HOOK3: variants seen among roughly 807,000 people sequenced by gnomAD.
HOOK3 encodes the protein protein Hook homolog 3.
A neutral mutation model predicts 116.3 loss-of-function variants in HOOK3; 24 were observed. That is an observed-to-expected ratio of 0.21 (90% CI 0.15 to 0.29). The LOEUF (loss-of-function observed/expected upper bound fraction) is 0.29, where lower values mean the gene tolerates loss of function less well. Among genes scored for constraint, HOOK3 ranks in the 10% least tolerant of loss-of-function variants. The probability of loss-of-function intolerance (pLI) is 1.00; values close to 1 mark genes in which losing one functional copy is unlikely to be tolerated. For synonymous variants in HOOK3, 275 were observed against 283.0 expected, an observed-to-expected ratio of 0.97 and a Z score of 0.28; for missense variants, 632 against 830.2, an observed-to-expected ratio of 0.76 and a Z score of 2.93.
chr8:42,997,891 T>C (rs1809309805), intron 16 of HOOK3: 6 of 374,302 alleles, frequency 1.6e-5, no homozygotes, highest in African/African-American at 2.1e-5. Flanking sequence ...TGAGGCTTTA[T>C]GTTTTAAATG....
intron 15 of HOOK3, among the ~76,000 whole-genome samples, chr8:42,995,176 C>T (rs1260392390): frequency 6.6e-6 from 1 of 152,064 alleles, no homozygotes; most frequent in Non-Finnish European, 1.5e-5. Context: ...AATTATAAAC[C>T]TATAATTTCT....
chr8:42,910,162 A>G (rs976575944), intron 2 of HOOK3, among the ~76,000 whole-genome samples: 1 of 152,244 alleles, frequency 6.6e-6, no homozygotes, highest in Non-Finnish European at 1.5e-5. Flanking sequence ...ATACGATATC[A>G]TAACATCAGT....
chr8:42,991,581 T>C (rs2130459173), intron 15 of HOOK3, among the ~76,000 whole-genome samples: 1 of 152,136 alleles, frequency 6.6e-6, no homozygotes, highest in East Asian at 1.9e-4. Context: ...TTTTGTATTT[T>C]AGTAGAGACA....
intron 2 of HOOK3, among the ~76,000 whole-genome samples, chr8:42,907,620 T>C (rs1202102363): frequency 6.6e-6 from 1 of 152,160 alleles, no homozygotes; most frequent in East Asian, 1.9e-4. Flanking sequence ...TGGGCCTAGC[T>C]AAGTGAACTT....
In HOOK3 at chr8:42,953,103, G is replaced by T. The variant is rs115735316; in HGVS notation, c.468+2648G>T. Among the ~76,000 whole-genome samples, 873 of 152,122 alleles carry T rather than the reference G, an allele frequency of 5.7e-3. 7 individuals are homozygous for T. Among genetic ancestry groups the T allele is most frequent in the African/African-American group, 0.02 (832 of 41,494 alleles). On this transcript the variant is annotated intron_variant, in intron 6 of 21. Transcript: ENST00000307602. Reference sequence around the variant, plus strand: ...CCCACCTAGCCACATGGGGGAGTCTGGGAAATGGGGTCCTTATTCTAGATA... The same window carrying T: ...CCCACCTAGCCACATGGGGGAGTCTTGGAAATGGGGTCCTTATTCTAGATA...
At chr8:42,979,460 A>G (rs1299578976) in intron 13 of HOOK3, among the ~76,000 whole-genome samples, 1 of 152,182 alleles carries the variant, frequency 6.6e-6, no homozygotes, top group East Asian at 1.9e-4. Flanking sequence ...CTTTGTTATC[A>G]GCTGGGGATG....
rs764965780 is a variant in HOOK3, at chr8:42,931,425, CTTTTTTTTT to C, written c.267+1269_267+1277del. Among the ~76,000 whole-genome samples, 6 of 100,612 alleles carry C rather than the reference CTTTTTTTTT, an allele frequency of 6.0e-5. No individual in the cohort carries two copies. The South Asian group carries it at 1.9e-3, about 32-fold the overall frequency. The allele number at this position is 100,612 out of a possible 152,430, so 66.0% of individuals were successfully genotyped here. A position where few individuals can be genotyped will look rare whatever the true frequency, so the allele number is the denominator to read the frequency against. ...TCACCCCATTATATTCTTCTCTTCT[CTTTTTTTTT>C]TTTTTTTTTTTTTTTGAGACGGAGT... On this transcript the variant is annotated intron_variant, in intron 4 of 21. Transcript: ENST00000307602.
chr8:42,986,578 G>T, intron 14 of HOOK3, 77 bp from the exon 15 acceptor site: 1 of 1,108,406 alleles, frequency 9.0e-7, no homozygotes, highest in Non-Finnish European at 1.3e-6. Context: ...TGCTTAGCTG[G>T]ATTTGATACC....
intron 2 of HOOK3, among the ~76,000 whole-genome samples, chr8:42,908,363 A>G (rs1240728290): frequency 6.6e-6 from 1 of 151,260 alleles, no homozygotes; most frequent in African/African-American, 2.5e-5. Flanking sequence ...CAAAGCAATC[A>G]TGAGAAAAAG....
intron 17 of HOOK3, among the ~76,000 whole-genome samples, chr8:43,005,774 T>G (rs150978766): frequency 0.048 from 7,170 of 149,966 alleles, 338 homozygotes; most frequent in African/African-American, 0.12. Flanking sequence ...TCGGCTCACT[T>G]CAACCTCTGC....
In HOOK3 at chr8:43,027,138, C is replaced by A; in HGVS notation, c.*8640C>A. On this transcript the variant is annotated 3_prime_UTR_variant, in exon 22 of 22. Transcript: ENST00000307602. Reference sequence around the variant, plus strand: ...AACTCCTGACCTCAGGTAATCCACCCGCCTCAGCCTCCCAAAGTGCTGGGA... The same window carrying A: ...AACTCCTGACCTCAGGTAATCCACCAGCCTCAGCCTCCCAAAGTGCTGGGA... 5.3e-6 allele frequency: 1 copy of A among 187,542 alleles called. No individual in the cohort carries two copies. The highest frequency in any genetic ancestry group is 1.1e-5 in the Non-Finnish European group (1 of 88,832). The allele number at this position is 187,542 out of a possible 1,614,324, so 11.6% of individuals were successfully genotyped here. A position where few individuals can be genotyped will look rare whatever the true frequency, so the allele number is the denominator to read the frequency against.
intron 2 of HOOK3, among the ~76,000 whole-genome samples, chr8:42,923,671 CAG>C (rs1170960676): frequency 6.6e-6 from 1 of 152,068 alleles, no homozygotes; most frequent in East Asian, 1.9e-4. Flanking sequence ...GAAGAGGAAA[CAG>C]GAGTGATGGC....
chr8:42,970,740 T>A (rs759318770), intron 11 of HOOK3, among the ~76,000 whole-genome samples: 2 of 151,890 alleles, frequency 1.3e-5, no homozygotes, highest in Non-Finnish European at 2.9e-5. Context: ...GTAGATTCTC[T>A]TGTCAGAAGG....
chr8:42,916,857 T>G (rs1173751067), intron 2 of HOOK3, among the ~76,000 whole-genome samples: 1 of 152,108 alleles, frequency 6.6e-6, no homozygotes, highest in Non-Finnish European at 1.5e-5. Context: ...GTTACTTGGG[T>G]CTAAGTCTTT....
Position 43,027,144 on chromosome 8 carries a change from A to C in HOOK3, c.*8646A>C, listed in dbSNP as rs1434129649. Reference sequence around the variant, plus strand: ...TGACCTCAGGTAATCCACCCGCCTCAGCCTCCCAAAGTGCTGGGATTATTA... The same window carrying C: ...TGACCTCAGGTAATCCACCCGCCTCCGCCTCCCAAAGTGCTGGGATTATTA... On this transcript the variant is annotated 3_prime_UTR_variant, in exon 22 of 22. Coordinates refer to ENST00000307602, the MANE Select transcript of HOOK3 (RefSeq NM_032410.4). 1 of 189,460 alleles carries C rather than the reference A, an allele frequency of 5.3e-6. No individual in the cohort carries two copies. The highest frequency in any genetic ancestry group is 2.4e-5 in the African/African-American group (1 of 42,332). The allele number at this position is 189,460 out of a possible 1,614,324, so 11.7% of individuals were successfully genotyped here.
At chr8:42,945,282 C>T (rs1586603839) in intron 5 of HOOK3, among the ~76,000 whole-genome samples, 1 of 152,188 alleles carries the variant, frequency 6.6e-6, no homozygotes, top group Non-Finnish European at 1.5e-5. Context: ...ATAAGTTTTA[C>T]ATATAGTATT....
intron 15 of HOOK3, among the ~76,000 whole-genome samples, chr8:42,991,536 G>A (rs1809160945): frequency 6.6e-6 from 1 of 151,868 alleles, no homozygotes; most frequent in Non-Finnish European, 1.5e-5. Flanking sequence ...CTGAGTAGCT[G>A]GGACTACAGG....
chr8:42,975,779 C>T (rs1352129437), intron 13 of HOOK3, among the ~76,000 whole-genome samples: 1 of 152,206 alleles, frequency 6.6e-6, no homozygotes, highest in African/African-American at 2.4e-5. Flanking sequence ...GATCTTGGCT[C>T]AGTGCAACCT....
intron 15 of HOOK3, among the ~76,000 whole-genome samples, chr8:42,996,657 T>C (rs1390581659): frequency 6.6e-6 from 1 of 152,122 alleles, no homozygotes; most frequent in Non-Finnish European, 1.5e-5. Context: ...CTGCATACTT[T>C]GGACATACTG....
Sources: gnomAD v4.1 joint callset for allele counts (sites outside exome capture counted in the v4.1 genomes callset) on GRCh38, gnomAD v4.1.1 for gene constraint, MANE v1.5 for transcripts, NCBI Gene and HGNC (gene_info 2026-07-23, HGNC 2026-07-21) for gene names.